The following RYR2 variants were observed in gnomAD, a reference collection of about 807,000 sequenced individuals.
The protein encoded by RYR2 is cardiac muscle ryanodine receptor-calcium release channel.
RYR2 carries 227 observed loss-of-function variants against 601.1 expected under a neutral mutation model. That is an observed-to-expected ratio of 0.38 (90% CI 0.34 to 0.42). RYR2 has a LOEUF of 0.42. Ranked by LOEUF, RYR2 falls within the 10% of genes least tolerant of loss-of-function variation. The pLI is 1.00. For synonymous variants in RYR2, 2,223 were observed against 2,175.1 expected, an observed-to-expected ratio of 1.02 and a Z score of -0.61; for missense variants, 4,646 against 6,156.5, an observed-to-expected ratio of 0.75 and a Z score of 8.21.
chr1:237,387,030 G>A (rs1702002598), intron 8 of RYR2, among the ~76,000 whole-genome samples: 1 of 152,186 alleles, frequency 6.6e-6, no homozygotes, highest in Admixed American at 6.5e-5. Context: ...CTTATTTAGT[G>A]TATTCATTTA....
intron 76 of RYR2, among the ~76,000 whole-genome samples, chr1:237,728,747 A>G (rs1690420179): frequency 1.3e-5 from 2 of 151,072 alleles, no homozygotes; most frequent in African/African-American, 4.9e-5. Flanking sequence ...GAACACATGG[A>G]TACAGGGAGG....
intron 27 of RYR2, among the ~76,000 whole-genome samples, chr1:237,558,085 T>C (rs1272597894): frequency 6.6e-6 from 1 of 152,184 alleles, no homozygotes; most frequent in Non-Finnish European, 1.5e-5. Context: ...TGATGAGCTG[T>C]GGTCTCTGAG....
chr1:237,784,985 T>A lies in RYR2; in HGVS notation c.13260+13T>A. 1.3e-6 allele frequency: 2 copies of A among 1,538,490 alleles called. No individual in the cohort carries two copies. Among genetic ancestry groups the A allele is most frequent in the South Asian group, 1.2e-5 (1 of 84,680 alleles). Reference sequence around the variant, plus strand: ...GGAAAAATTTCAGGTAATTTATCTCTAAGTCACAGCAGCATTCTCTCTGGA... The same window carrying A: ...GGAAAAATTTCAGGTAATTTATCTCAAAGTCACAGCAGCATTCTCTCTGGA... On this transcript the variant is annotated intron_variant, in intron 90 of 104. Coordinates refer to ENST00000366574, the MANE Select transcript of RYR2 (RefSeq NM_001035.3). The surrounding 1 kb of genome is among the most constrained non-coding windows in gnomAD (Gnocchi z 7.1).
chr1:237,136,687 T>C (rs894983337), intron 1 of RYR2, among the ~76,000 whole-genome samples: 1 of 152,074 alleles, frequency 6.6e-6, no homozygotes, highest in African/African-American at 2.4e-5. Context: ...TTATGTTTCT[T>C]AGTACATCAA....
At chr1:237,308,668 A>C (rs1694163654) in intron 2 of RYR2, among the ~76,000 whole-genome samples, 1 of 152,166 alleles carries the variant, frequency 6.6e-6, no homozygotes, top group Non-Finnish European at 1.5e-5. Context: ...AATAAAGCTG[A>C]GGACCTTAGC....
At chr1:237,145,214 T>C (rs998463621) in intron 1 of RYR2, among the ~76,000 whole-genome samples, 1 of 150,996 alleles carries the variant, frequency 6.6e-6, no homozygotes, top group African/African-American at 2.4e-5. Context: ...GAACTTAAAG[T>C]ATAATAATAA....
chr1:237,723,236 G>T lies in RYR2; in HGVS notation c.10663G>T (p.Ala3555Ser). The change falls in exon 74 of 105, where the codon GCA becomes TCA. Residue 3555 changes from alanine to serine, a missense_variant. Physicochemically the swap from Ala to Ser is moderately conservative, Grantham distance 99. This residue lies in a region of RYR2 where 1,497 missense variants were observed against 1,842.6 expected (regional missense o/e 0.81). Transcript: ENST00000366574. ...GACGGTAGAAAGAGTATTGGATATAGCAAATGTGCTTTTTCATCTTGAACA... is the reference window on the plus strand; with the variant it reads ...GACGGTAGAAAGAGTATTGGATATATCAAATGTGCTTTTTCATCTTGAACA... ...EKTVERVLDI[A>S]NVLFHLEQKS... 3.7e-6 allele frequency: 6 copies of T among 1,611,886 alleles called. No individual in the cohort carries two copies. Among genetic ancestry groups the T allele is most frequent in the Non-Finnish European group, 5.1e-6 (6 of 1,178,402 alleles).
rs552363060 is a variant in RYR2, at chr1:237,706,841, G to A, written c.9581-108G>A. On this transcript the variant is annotated intron_variant, in intron 67 of 104. Coordinates refer to ENST00000366574, the MANE Select transcript of RYR2 (RefSeq NM_001035.3). ...AAGGAGCCAGTTGCAGGCATGCCAC[G>A]TCTTGCTAAATTTTGAAGTCCAAAA... 1.1e-4 allele frequency: 100 copies of A among 890,496 alleles called. 2 individuals are homozygous for A. In the South Asian group the frequency reaches 1.4e-3, roughly 13 times the overall value. 55.2% of individuals were successfully genotyped at this position (890,496 alleles called of 1,614,324 possible).
intron 50 of RYR2, among the ~76,000 whole-genome samples, chr1:237,650,712 G>A (rs1428424628): frequency 6.6e-6 from 1 of 152,174 alleles, no homozygotes; most frequent in Non-Finnish European, 1.5e-5. Context: ...TAACTGCTCA[G>A]GGACTCTTGC....
At chr1:237,414,062 C>T (rs373006102) in intron 10 of RYR2, among the ~76,000 whole-genome samples, 5 of 152,084 alleles carry the variant, frequency 3.3e-5, no homozygotes, top group South Asian at 2.1e-4. Flanking sequence ...TCAGAAAATA[C>T]GATGAGTAAA....
At chr1:237,436,453 C>CATTTTTTTTTT (rs1491092540) in intron 12 of RYR2, among the ~76,000 whole-genome samples, 4 of 55,842 alleles carry the variant, frequency 7.2e-5, no homozygotes, top group Middle Eastern at 0.01. Flanking sequence ...GTGTGATTTT[C>CATTTTTTTTTT]CTTTTTTTTT....
intron 3 of RYR2, among the ~76,000 whole-genome samples, chr1:237,353,244 C>T (rs1006906741): frequency 2.6e-5 from 4 of 151,884 alleles, no homozygotes; most frequent in African/African-American, 9.7e-5. Flanking sequence ...TGTTTATGTG[C>T]CCTAAATTTG....
rs2102825624 is a variant in RYR2, at chr1:237,819,155, CTTCT to C, written c.14556_14559del (p.Phe4852LeufsTer9). The C allele has an allele frequency of 1.2e-6, 2 of 1,613,816 alleles. No homozygotes were observed. Among genetic ancestry groups the C allele is most frequent in the East Asian group, 2.2e-5 (1 of 44,862 alleles). On this transcript the variant is annotated frameshift_variant, in exon 101 of 105. Transcript: ENST00000366574. LOFTEE classifies it high-confidence loss of function. This position sits in a 1 kb window ranked among gnomAD's most constrained non-coding sequence, Gnocchi z 4.0. Reference sequence around the variant, plus strand: ...GAATCATCTTTGACATCACTTTCTTCTTCTTTGTTATTGTCATTCTCTTGGCCAT... The same window carrying C: ...GAATCATCTTTGACATCACTTTCTTCTTGTTATTGTCATTCTCTTGGCCAT...
chr1:237,563,756 C>T (rs1391404746), intron 27 of RYR2, among the ~76,000 whole-genome samples: 1 of 151,772 alleles, frequency 6.6e-6, no homozygotes, highest in African/African-American at 2.4e-5. Flanking sequence ...ATTTTTATAC[C>T]GAATTTGCCT....
chr1:237,071,468 C>T (rs1181606475), intron 1 of RYR2, among the ~76,000 whole-genome samples: 1 of 152,180 alleles, frequency 6.6e-6, no homozygotes, highest in African/African-American at 2.4e-5. Context: ...AGGTGATCCA[C>T]CTGCCTCAGC....
At chr1:237,796,417 G>T (rs890190884) in intron 96 of RYR2, among the ~76,000 whole-genome samples, 3 of 152,146 alleles carry the variant, frequency 2.0e-5, no homozygotes, top group African/African-American at 7.2e-5. Flanking sequence ...AGTCCCGAGA[G>T]AATCCCCCGG....
chr1:237,386,759 C>A lies in RYR2; in HGVS notation c.577-522C>A, dbSNP rs143545164. On this transcript the variant is annotated intron_variant, in intron 8 of 104. Coordinates refer to ENST00000366574, the MANE Select transcript of RYR2 (RefSeq NM_001035.3). ...AGAAATGTAGCTTGGTTTTAGATAG[C>A]TGTTAGGAAATATCGCCATCTAATG... 4.3e-4 allele frequency among the ~76,000 whole-genome samples: 66 copies of A among 152,254 alleles called. 1 individual carries two copies. Among genetic ancestry groups the A allele is most frequent in the African/African-American group, 1.5e-3 (64 of 41,548 alleles).
At chr1:237,168,341 C>T (rs539680332) in intron 1 of RYR2, among the ~76,000 whole-genome samples, 2 of 152,104 alleles carry the variant, frequency 1.3e-5, no homozygotes, top group Non-Finnish European at 2.9e-5. Flanking sequence ...TGGAGAGAGA[C>T]ACTGGTTTAG....
intron 53 of RYR2, among the ~76,000 whole-genome samples, chr1:237,656,248 A>G (rs1028452633): frequency 3.9e-5 from 6 of 152,212 alleles, no homozygotes; most frequent in African/African-American, 1.4e-4. Flanking sequence ...GAATTAAGAA[A>G]GTATGTCAGT....
Sources: allele counts gnomAD v4.1 joint callset (sites outside exome capture counted in the v4.1 genomes callset), GRCh38; gene constraint gnomAD v4.1.1; regional missense constraint gnomAD v4.1.1; non-coding constraint Gnocchi (gnomAD v3.1); transcripts MANE v1.5; gene names NCBI Gene and HGNC (gene_info 2026-07-23, HGNC 2026-07-21).